The following LPIN1 variants were observed in gnomAD, a reference collection of about 807,000 sequenced individuals.
LPIN1 encodes lipin 1.
Under a neutral mutation model 107.5 loss-of-function variants are expected in LPIN1, and 71 were observed. The observed-to-expected ratio is 0.66, with a 90% confidence interval of 0.55 to 0.80. The LOEUF is 0.80. Ranked by LOEUF, LPIN1 falls within the 30% of genes least tolerant of loss-of-function variation. LPIN1 has a pLI of 0.00. For missense variants in LPIN1, 1,043 were observed against 1,160.6 expected, an observed-to-expected ratio of 0.90 and a Z score of 1.47; for synonymous variants, 445 against 452.6, an observed-to-expected ratio of 0.98 and a Z score of 0.21.
intron 1 of LPIN1, among the ~76,000 whole-genome samples, chr2:11,749,539 C>T (rs13409154): frequency 6.6e-6 from 1 of 151,984 alleles, no homozygotes; most frequent in Non-Finnish European, 1.5e-5. Flanking sequence ...GGGGTGGGGT[C>T]TGTGCAGCCA....
At position 11,802,231 on chromosome 2, in the gene LPIN1, A is replaced by G. The variant is rs895964207; in HGVS notation, c.1887-676A>G. Among the ~76,000 whole-genome samples the G allele has an allele frequency of 2.0e-5, 3 of 152,224 alleles. No homozygotes were observed. In the South Asian group the frequency reaches 6.2e-4, roughly 32 times the overall value. The stretch of plus-strand genomic sequence containing the variant: ...GAATAGCTAATTACAGATATGCATT[A>G]TGTGAGCTATTTAAAGAAAACGAGC... On this transcript the variant is annotated intron_variant, in intron 14 of 20. Coordinates refer to ENST00000674199, the MANE Select transcript of LPIN1 (RefSeq NM_001349206.2).
intron 1 of LPIN1, among the ~76,000 whole-genome samples, chr2:11,761,288 A>G (rs1669791130): frequency 6.6e-6 from 1 of 152,352 alleles, no homozygotes; most frequent in South Asian, 2.1e-4. Context: ...TCTTTTCAGG[A>G]ACCATCCCAC....
chr2:11,786,038 C>T lies in LPIN1; in HGVS notation c.1549+962C>T, dbSNP rs1460402651. ...GGCGTGAGGAGTCCCCTGGGCGTTC[C>T]CTCCCTGATATACATGAGCTGGTGG... On this transcript the variant is annotated intron_variant, in intron 10 of 20. Coordinates refer to ENST00000674199, the MANE Select transcript of LPIN1 (RefSeq NM_001349206.2). The surrounding 1 kb of genome is among the most constrained non-coding windows in gnomAD (Gnocchi z 4.1). Among the ~76,000 whole-genome samples, 1 of 152,066 alleles carries T rather than the reference C, an allele frequency of 6.6e-6. No individual in the cohort carries two copies. The highest frequency in any genetic ancestry group is 1.5e-5 in the Non-Finnish European group (1 of 68,006).
At chr2:11,818,750 A>G (rs1204590774) in intron 18 of LPIN1, 1 of 152,132 alleles carries the variant, frequency 6.6e-6, no homozygotes. Flanking sequence ...TTCACTGTTA[A>G]TAAGATGTTC....
Position 11,825,062 on chromosome 2 carries a change from G to A in LPIN1, c.*271G>A, listed in dbSNP as rs947280319. 11 of 491,786 alleles carry A rather than the reference G, an allele frequency of 2.2e-5. No individual in the cohort carries two copies. In the Admixed American group the frequency reaches 2.7e-4, roughly 12 times the overall value. The allele number at this position is 491,786 out of a possible 1,614,324, so 30.5% of individuals were successfully genotyped here. A position where few individuals can be genotyped will look rare whatever the true frequency, so the allele number is the denominator to read the frequency against. ...GTTGTGGCTTAATGCCAGTTACGAC[G>A]CTGCCTTTCCGGCCTGCTCCAGCAA... On this transcript the variant is annotated 3_prime_UTR_variant, in exon 21 of 21. Transcript: ENST00000674199. This position sits in a 1 kb window ranked among gnomAD's most constrained non-coding sequence, Gnocchi z 4.1.
upstream of LPIN1, among the ~76,000 whole-genome samples, chr2:11,720,875 A>C (rs549105513): frequency 3.8e-4 from 57 of 151,994 alleles, no homozygotes; most frequent in African/African-American, 1.3e-3. Flanking sequence ...GTACGGTGTC[A>C]GGTTAGGCAT....
chr2:11,813,389 A>G (rs1680025117), intron 17 of LPIN1, among the ~76,000 whole-genome samples: 1 of 152,152 alleles, frequency 6.6e-6, no homozygotes, highest in South Asian at 2.1e-4. Context: ...TTTTTTAATT[A>G]AAAAGTAAAC....
intron 1 of LPIN1, among the ~76,000 whole-genome samples, chr2:11,703,653 G>A (rs1464721154): frequency 6.6e-6 from 1 of 152,006 alleles, no homozygotes; most frequent in Non-Finnish European, 1.5e-5. Context: ...ATAGACACCT[G>A]CAAAAATAGA....
At position 11,804,408 on chromosome 2, in the gene LPIN1, G is replaced by GTT; in HGVS notation, c.2014-14_2014-13dup. The GTT allele has an allele frequency of 6.2e-7, 1 of 1,614,092 alleles. No individual in the cohort carries two copies. The highest frequency in any genetic ancestry group is 1.1e-5 in the South Asian group (1 of 91,080). ...TCCCTCAAGCAGACAAATACTAATG[G>GTT]TTCATGTTTTTCAGAAAAGCTTGAA... On this transcript the variant is annotated splice_polypyrimidine_tract_variant and intron_variant, in intron 15 of 20. Coordinates refer to ENST00000674199, the MANE Select transcript of LPIN1 (RefSeq NM_001349206.2).
chr2:11,765,676 C>T lies in LPIN1; in HGVS notation c.135C>T (p.Cys45=). The T allele has an allele frequency of 2.5e-6, 4 of 1,613,916 alleles. No individual in the cohort carries two copies. The highest frequency in any genetic ancestry group is 3.4e-6 in the Non-Finnish European group (4 of 1,179,806). Reference sequence around the variant, plus strand: ...GCCAGCCCAATGGAAACCTCCAATGCTCCCCTTTCCACGTCCGCTTTGGGA... The same window carrying T: ...GCCAGCCCAATGGAAACCTCCAATGTTCCCCTTTCCACGTCCGCTTTGGGA... ...VIRQPNGNLQ[C]SPFHVRFGKM... The change falls in exon 2 of 21, where the codon TGC becomes TGT. Residue 45 remains cysteine, a synonymous_variant. Transcript: ENST00000674199. This position sits in a 1 kb window ranked among gnomAD's most constrained non-coding sequence, Gnocchi z 4.4.
At chr2:11,766,992 G>GC (rs971227451) in intron 2 of LPIN1, among the ~76,000 whole-genome samples, 16 of 152,168 alleles carry the variant, frequency 1.1e-4, no homozygotes, top group African/African-American at 3.9e-4. Flanking sequence ...TCCCAGAGGG[G>GC]GTCCGTTCAG....
chr2:11,708,540 C>G (rs2148521727), intron 1 of LPIN1, among the ~76,000 whole-genome samples: 1 of 152,280 alleles, frequency 6.6e-6, no homozygotes, highest in Non-Finnish European at 1.5e-5. Context: ...CATGCCAGAC[C>G]TGGGCCTTAA....
At chr2:11,769,532 T>C (rs2148629372) in intron 3 of LPIN1, among the ~76,000 whole-genome samples, 1 of 152,340 alleles carries the variant, frequency 6.6e-6, no homozygotes, top group African/African-American at 2.4e-5. Context: ...TGGGTTCTCT[T>C]TTCACTTTCT....
At chr2:11,679,915 G>A (rs1661620054) in intron 1 of LPIN1, among the ~76,000 whole-genome samples, 1 of 152,226 alleles carries the variant, frequency 6.6e-6, no homozygotes, top group African/African-American at 2.4e-5. Context: ...TGCTGCACCT[G>A]GAGGAATCTG....
intron 1 of LPIN1, among the ~76,000 whole-genome samples, chr2:11,678,108 G>A (rs1031588646): frequency 6.6e-6 from 1 of 152,218 alleles, no homozygotes; most frequent in Admixed American, 6.5e-5. Flanking sequence ...TGCAGGCCAG[G>A]AAGCGAGGTG....
At chr2:11,813,192 T>G (rs1254309548) in intron 17 of LPIN1, among the ~76,000 whole-genome samples, 1 of 151,846 alleles carries the variant, frequency 6.6e-6, no homozygotes, top group African/African-American at 2.4e-5. Flanking sequence ...TAATGTGGAG[T>G]TCATAGTAGC....
intron 1 of LPIN1, among the ~76,000 whole-genome samples, chr2:11,690,781 C>A (rs1480843622): frequency 1.3e-5 from 2 of 152,010 alleles, no homozygotes; most frequent in African/African-American, 4.8e-5. Context: ...CTATGTTTTT[C>A]ATTTCCAGTA....
chr2:11,802,289 C>T (rs567296531), intron 14 of LPIN1, among the ~76,000 whole-genome samples: 1 of 152,248 alleles, frequency 6.6e-6, no homozygotes, highest in South Asian at 2.1e-4. Context: ...CAGCTCCCCA[C>T]TAAACAAAAA....
chr2:11,822,277 CAAAAAAAAAAAAA>C lies in LPIN1; in HGVS notation c.2621+1775_2621+1787del, dbSNP rs751514674. 2.7e-3 allele frequency among the ~76,000 whole-genome samples: 215 copies of C among 78,890 alleles called. 1 individual carries two copies. The highest frequency in any genetic ancestry group is 9.9e-3 in the African/African-American group (206 of 20,776). The allele number at this position is 78,890 out of a possible 152,430, so 51.8% of individuals were successfully genotyped here. A position where few individuals can be genotyped will look rare whatever the true frequency, so the allele number is the denominator to read the frequency against. ...GAAACCCTGTCTCTACTAGAAATGC[CAAAAAAAAAAAAA>C]AAAAAAAAAAATTAGCCAGGCATGG... On this transcript the variant is annotated intron_variant, in intron 20 of 20. Transcript: ENST00000674199.
Sources: gnomAD v4.1 joint callset for allele counts (sites outside exome capture counted in the v4.1 genomes callset) on GRCh38, gnomAD v4.1.1 for gene constraint, Gnocchi (gnomAD v3.1) non-coding constraint, MANE v1.5 for transcripts, NCBI Gene and HGNC (gene_info 2026-07-23, HGNC 2026-07-21) for gene names.